Variants in MSL2 observed in about 807,000 individuals in gnomAD.
MSL2 encodes the protein E3 ubiquitin-protein ligase MSL2.
A neutral mutation model predicts 35.8 loss-of-function variants in MSL2; 2 were observed. That is an observed-to-expected ratio of 0.06 (90% CI 0.02 to 0.18). The LOEUF (loss-of-function observed/expected upper bound fraction) is 0.18, where lower values mean the gene tolerates loss of function less well. Among genes scored for constraint, MSL2 ranks in the 10% least tolerant of loss-of-function variants. The pLI, the probability that MSL2 is intolerant of heterozygous loss-of-function variation, is 1.00. For synonymous variants in MSL2, 296 were observed against 255.7 expected (o/e 1.16, Z -1.50); for missense variants, 523 against 706.7 (o/e 0.74, Z 2.95).
intron 1 of MSL2, among the ~76,000 whole-genome samples, chr3:136,193,716 T>TAC (rs1429250950): frequency 6.6e-6 from 1 of 152,170 alleles, no homozygotes; most frequent in East Asian, 1.9e-4. Context: ...ATTATCATTT[T>TAC]ACACATCAAG....
chr3:136,162,268 G>T lies in MSL2; in HGVS notation c.143-9530C>A, dbSNP rs1348002139. Among the ~76,000 whole-genome samples the T allele has an allele frequency of 6.2e-5, 9 of 144,342 alleles. 1 individual carries two copies. The South Asian group carries it at 1.8e-3, about 29-fold the overall frequency. 94.7% of individuals were successfully genotyped at this position (144,342 alleles called of 152,430 possible). On this transcript the variant is annotated intron_variant, in intron 1 of 1. Coordinates refer to ENST00000309993, the MANE Select transcript of MSL2 (RefSeq NM_018133.4). The stretch of plus-strand genomic sequence containing the variant: ...TGCATTTGAAAAGATAAACCATAAG[G>T]TTTTTAAAAAAAAAAAAAAAAGAGG...
intron 1 of MSL2, among the ~76,000 whole-genome samples, chr3:136,163,690 T>C (rs1263114205): frequency 6.6e-6 from 1 of 152,230 alleles, no homozygotes; most frequent in African/African-American, 2.4e-5. Flanking sequence ...TCATCTTGAA[T>C]TGTAATCCCC....
chr3:136,159,310 C>T (rs189120335), intron 1 of MSL2, among the ~76,000 whole-genome samples: 8 of 147,464 alleles, frequency 5.4e-5, no homozygotes, highest in South Asian at 2.2e-4. Flanking sequence ...CCAATTTGTG[C>T]GACAGGGTAT....
chr3:136,168,426 C>T (rs530048016), intron 1 of MSL2, among the ~76,000 whole-genome samples: 53 of 152,226 alleles, frequency 3.5e-4, no homozygotes, highest in African/African-American at 1.1e-3. Flanking sequence ...GAATACTACG[C>T]AGCCATAAAA....
chr3:136,181,509 T>C (rs1318778132), intron 1 of MSL2, among the ~76,000 whole-genome samples: 1 of 152,174 alleles, frequency 6.6e-6, no homozygotes, highest in Non-Finnish European at 1.5e-5. Context: ...GTCCTTTCAC[T>C]ACCACCGTGG....
chr3:136,170,725 G>T (rs187222462), intron 1 of MSL2, among the ~76,000 whole-genome samples: 4 of 151,694 alleles, frequency 2.6e-5, no homozygotes, highest in Admixed American at 1.3e-4. Context: ...GGATGGTCTC[G>T]ATCTCTTGAC....
chr3:136,182,731 G>C (rs74733886), intron 1 of MSL2, among the ~76,000 whole-genome samples: 1 of 149,952 alleles, frequency 6.7e-6, no homozygotes, highest in Non-Finnish European at 1.5e-5. Flanking sequence ...AAAAAAAAAA[G>C]AGAAAGAAGT....
chr3:136,177,680 TAAAA>T (rs397738424), intron 1 of MSL2, among the ~76,000 whole-genome samples: 8 of 78,474 alleles, frequency 1.0e-4, no homozygotes, highest in South Asian at 8.6e-4. Flanking sequence ...CTCCGTCTCA[TAAAA>T]AAAAAAAAAA....
rs1263992556 is a variant in MSL2 at position 136,150,126 on chromosome 3, CTT to C, written c.*1019_*1020del. On this transcript the variant is annotated 3_prime_UTR_variant, in exon 2 of 2. Transcript: ENST00000309993. ...GCTTCAACCTACCTAAATGCACAGG[CTT>C]TATAAAAAGGCATTCTTATTAGGCC... 2 of 152,526 alleles carry C rather than the reference CTT, an allele frequency of 1.3e-5. No individual in the cohort carries two copies. The allele number at this position is 152,526 out of a possible 1,614,324, so 9.4% of individuals were successfully genotyped here.
intron 1 of MSL2, among the ~76,000 whole-genome samples, chr3:136,191,715 G>C (rs1264831640): frequency 6.6e-6 from 1 of 152,188 alleles, no homozygotes; most frequent in African/African-American, 2.4e-5. Context: ...TAAGGCTGCA[G>C]TGAGCTAGGA....
intron 1 of MSL2, among the ~76,000 whole-genome samples, chr3:136,193,103 C>G (rs550739184): frequency 2.6e-5 from 4 of 152,140 alleles, no homozygotes; most frequent in Admixed American, 2.0e-4. Flanking sequence ...GTTGCCAAGA[C>G]TGACAAAAAA....
chr3:136,171,011 A>G (rs1940010863), intron 1 of MSL2, among the ~76,000 whole-genome samples: 1 of 152,208 alleles, frequency 6.6e-6, no homozygotes, highest in Non-Finnish European at 1.5e-5. Context: ...TCCATCCCGA[A>G]ACATGTCCTA....
At chr3:136,156,817 T>C (rs1054451439) in intron 1 of MSL2, among the ~76,000 whole-genome samples, 11 of 152,192 alleles carry the variant, frequency 7.2e-5, no homozygotes, top group African/African-American at 2.2e-4. Flanking sequence ...ATGGCGCCAC[T>C]GCACTCCAGC....
At chr3:136,161,212 A>G (rs1939699592) in intron 1 of MSL2, among the ~76,000 whole-genome samples, 1 of 152,236 alleles carries the variant, frequency 6.6e-6, no homozygotes, top group African/African-American at 2.4e-5. Context: ...AACAATGCCA[A>G]AAGTTGGCAA....
At chr3:136,180,468 G>A (rs1940308877) in intron 1 of MSL2, among the ~76,000 whole-genome samples, 2 of 151,880 alleles carry the variant, frequency 1.3e-5, no homozygotes, top group South Asian at 2.1e-4. Context: ...TTGGGAGGCT[G>A]AGGTGGGCAG....
At chr3:136,186,948 A>G (rs1291682978) in intron 1 of MSL2, among the ~76,000 whole-genome samples, 1 of 152,128 alleles carries the variant, frequency 6.6e-6, no homozygotes, top group Non-Finnish European at 1.5e-5. Context: ...TATAAATACT[A>G]TGTAAGTAGT....
At chr3:136,162,748 C>T (rs1939743639) in intron 1 of MSL2, among the ~76,000 whole-genome samples, 1 of 151,952 alleles carries the variant, frequency 6.6e-6, no homozygotes, top group South Asian at 2.1e-4. Flanking sequence ...CTCTGAAAAC[C>T]AAAATAAAGT....
chr3:136,191,597 CG>C (rs1204669154), intron 1 of MSL2, among the ~76,000 whole-genome samples: 2 of 152,084 alleles, frequency 1.3e-5, no homozygotes, highest in East Asian at 3.9e-4. Context: ...CTGGGCAACA[CG>C]GTAAGACCCT....
rs1292602592 is a variant in MSL2 at position 136,195,049 on chromosome 3, G to C, written c.65C>G (p.Pro22Arg). The change falls in exon 1 of 2, where the codon CCC becomes CGC. Residue 22 changes from proline to arginine, a missense_variant. Transcript: ENST00000309993. Reference sequence around the variant, plus strand: ...CTCAGTAAACGCCTTGGGGTCTCCGGGGTCGTAGTTGAGCACTAGGCGGCT... The same window carrying C: ...CTCAGTAAACGCCTTGGGGTCTCCGCGGTCGTAGTTGAGCACTAGGCGGCT... ...SASRLVLNYD[P>R]GDPKAFTEIN... 3 of 1,614,004 alleles carry C rather than the reference G, an allele frequency of 1.9e-6. No homozygotes were observed. Among genetic ancestry groups the C allele is most frequent in the Non-Finnish European group, 2.5e-6 (3 of 1,180,028 alleles).
Sources: gnomAD v4.1 joint callset for allele counts (sites outside exome capture counted in the v4.1 genomes callset) on GRCh38, gnomAD v4.1.1 for gene constraint, MANE v1.5 for transcripts, NCBI Gene and HGNC (gene_info 2026-07-23, HGNC 2026-07-21) for gene names.